Variants in GPC6 observed in about 807,000 individuals in gnomAD.
GPC6 encodes glypican-6.
In GPC6, 14 loss-of-function variants were observed where a neutral mutation model predicts 55.2. The observed-to-expected ratio is 0.25, with a 90% CI of 0.17 to 0.40. GPC6 has a LOEUF of 0.40. Among genes scored for constraint, GPC6 ranks in the 10% least tolerant of loss-of-function variants. The pLI is 1.00. For synonymous variants in GPC6, 278 were observed against 259.6 expected (o/e 1.07, Z -0.68); for missense variants, 641 against 708.5 (o/e 0.90, Z 1.08).
chr13:93,572,751 A>G (rs1876468563), intron 2 of GPC6, among the ~76,000 whole-genome samples: 2 of 152,300 alleles, frequency 1.3e-5, no homozygotes, highest in Admixed American at 6.5e-5. Flanking sequence ...TTAGATCTCA[A>G]TATACTCTTT....
rs1485646906 is a variant in GPC6, at chr13:94,405,820, A to G, written c.*2603A>G. On this transcript the variant is annotated 3_prime_UTR_variant, in exon 9 of 9. Transcript: ENST00000377047. ...CACCCTGCATGGATGTGGTCAAAAT[A>G]TCATTCAAGTTGTACTTCCTAGTTT... The G allele has an allele frequency of 1.3e-5, 2 of 152,184 alleles. No individual in the cohort carries two copies. Among genetic ancestry groups the G allele is most frequent in the Non-Finnish European group, 2.9e-5 (2 of 68,026 alleles). 9.4% of individuals were successfully genotyped at this position (152,184 alleles called of 1,614,324 possible). A position where few individuals can be genotyped will look rare whatever the true frequency, so the allele number is the denominator to read the frequency against.
At chr13:93,866,966 A>G (rs1888984658) in intron 3 of GPC6, among the ~76,000 whole-genome samples, 1 of 151,804 alleles carries the variant, frequency 6.6e-6, no homozygotes, top group Admixed American at 6.6e-5. Context: ...ACAAAGGAAC[A>G]TCTTCTGTCT....
At chr13:94,202,379 A>G (rs1023433124) in intron 4 of GPC6, among the ~76,000 whole-genome samples, 2 of 152,230 alleles carry the variant, frequency 1.3e-5, no homozygotes, top group East Asian at 3.8e-4. Context: ...ATGGACTCAC[A>G]GTTCCACACG....
intron 1 of GPC6, among the ~76,000 whole-genome samples, chr13:93,294,981 A>G (rs1434613828): frequency 6.6e-6 from 1 of 151,678 alleles, no homozygotes; most frequent in Non-Finnish European, 1.5e-5. Flanking sequence ...CTATAGAAAA[A>G]AATTTTAGGT....
chr13:93,578,043 A>T (rs143464016), intron 2 of GPC6, among the ~76,000 whole-genome samples: 36 of 152,148 alleles, frequency 2.4e-4, no homozygotes, highest in Non-Finnish European at 7.4e-5. Flanking sequence ...CATCCTTGGT[A>T]TGAATCCCAG....
At chr13:93,848,312 T>G (rs1888271750) in intron 3 of GPC6, among the ~76,000 whole-genome samples, 1 of 152,108 alleles carries the variant, frequency 6.6e-6, no homozygotes, top group African/African-American at 2.4e-5. Context: ...GTTTAGAAAT[T>G]TCAAGCAACA....
chr13:93,829,914 A>G (rs977019526), intron 2 of GPC6, among the ~76,000 whole-genome samples: 2 of 152,220 alleles, frequency 1.3e-5, no homozygotes, highest in Non-Finnish European at 2.9e-5. Flanking sequence ...GAGGAGGATT[A>G]CATGGTAGAC....
At chr13:93,490,475 TTTCA>T (rs1879928011) in intron 1 of GPC6, among the ~76,000 whole-genome samples, 1 of 145,036 alleles carries the variant, frequency 6.9e-6, no homozygotes, top group African/African-American at 2.6e-5. Context: ...TTTTTTTTTT[TTTCA>T]ACTTGAGTGA....
intron 1 of GPC6, among the ~76,000 whole-genome samples, chr13:93,496,662 G>A (rs1342084276): frequency 1.3e-5 from 2 of 152,170 alleles, no homozygotes; most frequent in Admixed American, 6.5e-5. Context: ...TATAGACTTT[G>A]GAGCCAGATT....
intron 1 of GPC6, among the ~76,000 whole-genome samples, chr13:93,454,209 T>C: frequency 6.9e-6 from 1 of 145,344 alleles, no homozygotes; most frequent in Non-Finnish European, 1.5e-5. Flanking sequence ...AGAGTGCCAA[T>C]TGGTGTATTT....
chr13:93,962,493 C>G (rs1455669098), intron 3 of GPC6, among the ~76,000 whole-genome samples: 2 of 151,888 alleles, frequency 1.3e-5, no homozygotes, highest in African/African-American at 4.8e-5. Flanking sequence ...AACCCAGTGC[C>G]CCACATTCTA....
intron 4 of GPC6, among the ~76,000 whole-genome samples, chr13:94,235,273 T>C (rs1321050726): frequency 2.0e-5 from 3 of 152,136 alleles, no homozygotes; most frequent in Non-Finnish European, 4.4e-5. Context: ...TCAGGTATAA[T>C]GAACCAAGGA....
At chr13:94,295,562 C>T (rs1875287500) in intron 5 of GPC6, among the ~76,000 whole-genome samples, 1 of 152,084 alleles carries the variant, frequency 6.6e-6, no homozygotes, top group Non-Finnish European at 1.5e-5. Flanking sequence ...TGTCTATGAA[C>T]AAGGCTTTTA....
chr13:94,298,860 A>G (rs1394728400), intron 5 of GPC6, among the ~76,000 whole-genome samples: 1 of 152,216 alleles, frequency 6.6e-6, no homozygotes, highest in African/African-American at 2.4e-5. Context: ...TGATCATTTG[A>G]GATAATGCAT....
At chr13:93,841,293 G>C (rs1250333105) in intron 3 of GPC6, among the ~76,000 whole-genome samples, 1 of 152,088 alleles carries the variant, frequency 6.6e-6, no homozygotes, top group African/African-American at 2.4e-5. Flanking sequence ...TAGGGAATAC[G>C]ACATCCTAAC....
At chr13:94,364,255 T>A (rs1879191863) in intron 6 of GPC6, among the ~76,000 whole-genome samples, 1 of 152,214 alleles carries the variant, frequency 6.6e-6, no homozygotes, top group Non-Finnish European at 1.5e-5. Flanking sequence ...CCATTTAGGT[T>A]ATTGGATGCT....
intron 2 of GPC6, among the ~76,000 whole-genome samples, chr13:93,683,969 A>T (rs1349672249): frequency 6.6e-6 from 1 of 152,106 alleles, no homozygotes; most frequent in Non-Finnish European, 1.5e-5. Context: ...CAGAAAGCAG[A>T]CAGAAGAAGC....
rs12872925 is a variant in GPC6, at chr13:93,789,505, C to A, written c.320-40649C>A. 8.4e-3 allele frequency among the ~76,000 whole-genome samples: 674 copies of A among 80,246 alleles called. 12 individuals carry two copies. Among genetic ancestry groups the A allele is most frequent in the East Asian group, 0.069 (221 of 3,200 alleles). The allele number at this position is 80,246 out of a possible 152,430, so 52.6% of individuals were successfully genotyped here. A position where few individuals can be genotyped will look rare whatever the true frequency, so the allele number is the denominator to read the frequency against. On this transcript the variant is annotated intron_variant, in intron 2 of 8. Transcript: ENST00000377047. Reference sequence around the variant, plus strand: ...GAACTCTCTCTCTCTCTCTCTCTCTCTCTCTATATATATATATATATATAT... The same window carrying A: ...GAACTCTCTCTCTCTCTCTCTCTCTATCTCTATATATATATATATATATAT...
At chr13:93,639,185 A>G (rs563988146) in intron 2 of GPC6, among the ~76,000 whole-genome samples, 56 of 152,142 alleles carry the variant, frequency 3.7e-4, no homozygotes, top group Non-Finnish European at 7.1e-4. Flanking sequence ...ATATTTAAAA[A>G]TGGATGCTCA....
Sources: gnomAD v4.1 joint callset for allele counts (sites outside exome capture counted in the v4.1 genomes callset) on GRCh38, gnomAD v4.1.1 for gene constraint, MANE v1.5 for transcripts, NCBI Gene and HGNC (gene_info 2026-07-23, HGNC 2026-07-21) for gene names.